Variants in CNGB1 observed in about 807,000 individuals in gnomAD.
CNGB1 encodes the protein cyclic nucleotide gated channel subunit beta 1.
In CNGB1, 126 loss-of-function variants were observed where a neutral mutation model predicts 151.7. That is an observed-to-expected ratio of 0.83 (90% confidence interval 0.72 to 0.96). The LOEUF (loss-of-function observed/expected upper bound fraction) is 0.96. Among genes scored for constraint, CNGB1 ranks in the 40% least tolerant of loss-of-function variants. The pLI is 0.00. For missense variants in CNGB1, 1,698 were observed against 1,627.0 expected (o/e 1.04, Z -0.75); for synonymous variants, 623 against 635.1 (o/e 0.98, Z 0.29).
chr16:57,964,540 G>T lies in CNGB1; in HGVS notation c.164C>A (p.Pro55His), dbSNP rs760874746. 6.2e-7 allele frequency: 1 copy of T among 1,614,122 alleles called. No individual in the cohort carries two copies. The highest frequency in any genetic ancestry group is 8.5e-7 in the Non-Finnish European group (1 of 1,180,012). ...TTCCTCCTCCTTGAATGACTCTTCGGGGGGCTAGAGGGTTCGAACAGGATC... is the reference window on the plus strand; with the variant it reads ...TTCCTCCTCCTTGAATGACTCTTCGTGGGGCTAGAGGGTTCGAACAGGATC... ...EAETESESMP[P>H]EESFKEEEVA... The change falls in exon 3 of 33, where the codon CCC (proline) becomes CAC (histidine). Residue 55 changes from proline (P) to histidine (H), a missense_variant. Transcript: ENST00000251102.
intron 23 of CNGB1, among the ~76,000 whole-genome samples, chr16:57,914,259 C>A (rs1402455524): frequency 6.6e-6 from 1 of 152,154 alleles, no homozygotes. Flanking sequence ...TGGACCCAAC[C>A]TTCCTCACTC....
chr16:57,884,149 C>G lies in CNGB1; in HGVS notation c.*15G>C. 2 of 1,613,980 alleles carry G rather than the reference C, an allele frequency of 1.2e-6. No homozygotes were observed. The highest frequency in any genetic ancestry group is 1.7e-6 in the Non-Finnish European group (2 of 1,179,894). On this transcript the variant is annotated 3_prime_UTR_variant, in exon 33 of 33. Transcript: ENST00000251102. ...CACCTGCTGGAACTGCGCGCGGGAT[C>G]CGCCTCACCCCACCTTACTCCGCCT...
chr16:57,956,995 T>G (rs1962103612), intron 12 of CNGB1, among the ~76,000 whole-genome samples: 1 of 152,164 alleles, frequency 6.6e-6, no homozygotes, highest in African/African-American at 2.4e-5. Flanking sequence ...CAAACCCATT[T>G]GCCAGGGGAT....
chr16:57,957,852 C>T (rs1962130087), intron 11 of CNGB1, among the ~76,000 whole-genome samples: 1 of 152,226 alleles, frequency 6.6e-6, no homozygotes, highest in African/African-American at 2.4e-5. Context: ...TGAGGCCACA[C>T]AGCCAGGAGA....
chr16:57,897,770 C>T (rs753575496), intron 30 of CNGB1, 26 bp downstream of exon 30: 1 of 1,611,278 alleles, frequency 6.2e-7, no homozygotes, highest in Admixed American at 1.7e-5. Context: ...CCCCAGGCCC[C>T]TCACTTTACC....
intron 12 of CNGB1, among the ~76,000 whole-genome samples, chr16:57,957,003 G>T (rs1322041221): frequency 6.6e-6 from 1 of 152,208 alleles, no homozygotes; most frequent in Non-Finnish European, 1.5e-5. Context: ...TTTGCCAGGG[G>T]ATGGGGGAAG....
At chr16:57,955,337 C>A in intron 12 of CNGB1, 2 of 1,551,832 alleles carry the variant, frequency 1.3e-6, no homozygotes, top group Non-Finnish European at 1.7e-6. Flanking sequence ...TCCCTTCTCC[C>A]TTATTTCAGA....
At chr16:57,894,940 C>T (rs556354539) in intron 31 of CNGB1, among the ~76,000 whole-genome samples, 4 of 152,238 alleles carry the variant, frequency 2.6e-5, no homozygotes, top group Admixed American at 6.5e-5. Flanking sequence ...AGGAAGAGAA[C>T]GACTCCAGAT....
chr16:57,938,211 T>C (rs1433267957), intron 16 of CNGB1, among the ~76,000 whole-genome samples: 1 of 152,226 alleles, frequency 6.6e-6, no homozygotes, highest in African/African-American at 2.4e-5. Context: ...CCCACCCCAC[T>C]GAACCAAGCC....
intron 17 of CNGB1, among the ~76,000 whole-genome samples, chr16:57,923,889 C>A (rs773907176): frequency 6.6e-6 from 1 of 152,184 alleles, no homozygotes; most frequent in East Asian, 1.9e-4. Context: ...CTCCGCCTTA[C>A]GGTGTGACCT....
Position 57,917,286 on chromosome 16 carries a change from G to T in CNGB1, c.2148C>A (p.Val716=). The T allele has an allele frequency of 6.2e-7, 1 of 1,613,948 alleles. No homozygotes were observed. Among genetic ancestry groups the T allele is most frequent in the South Asian group, 1.1e-5 (1 of 91,046 alleles). The change falls in exon 21 of 33, where the codon GTC becomes GTA. Residue 716 remains valine (V), a synonymous_variant. Coordinates refer to ENST00000251102, the MANE Select transcript of CNGB1 (RefSeq NM_001297.5). ...GACTCACAATGATGTCCCCGCCTCT[G>T]ACAAACTGCAGGCGTGTCTGGAACA... ...ITVFQTRLQF[V]RGGDIITDKK... is the part of the protein sequence containing the mutation.
intron 29 of CNGB1, among the ~76,000 whole-genome samples, chr16:57,898,923 T>A (rs540970104): frequency 6.6e-6 from 1 of 152,262 alleles, no homozygotes; most frequent in East Asian, 1.9e-4. Flanking sequence ...GGGAATAGGG[T>A]CATTGCAGAT....
chr16:57,928,717 A>C (rs1428342460), intron 17 of CNGB1, among the ~76,000 whole-genome samples: 10 of 152,164 alleles, frequency 6.6e-5, no homozygotes, highest in Admixed American at 6.5e-4. Context: ...GGCTCACTGC[A>C]ACCGCTGCCT....
rs994850926 is a variant in CNGB1, at chr16:57,964,667, G to A, written c.160-123C>T. ...AAAGACCTGAACGACTCTTTCCTCA[G>A]GATCATCTCTGTAAATCCTGTTGGC... On this transcript the variant is annotated intron_variant, in intron 2 of 32. Coordinates refer to ENST00000251102, the MANE Select transcript of CNGB1 (RefSeq NM_001297.5). The A allele has an allele frequency of 4.2e-6, 4 of 952,574 alleles. No individual in the cohort carries two copies. In the African/African-American group the frequency reaches 6.4e-5, roughly 15 times the overall value. 59.0% of individuals were successfully genotyped at this position (952,574 alleles called of 1,614,324 possible).
intron 31 of CNGB1, among the ~76,000 whole-genome samples, chr16:57,892,072 C>CAAAAAAA (rs34104252): frequency 1.0e-5 from 1 of 96,308 alleles, no homozygotes; most frequent in Non-Finnish European, 2.2e-5. Context: ...CACAAAAATG[C>CAAAAAAA]AAAAAAAAAA....
chr16:57,943,975 C>G (rs1324919094), intron 14 of CNGB1, among the ~76,000 whole-genome samples: 1 of 151,926 alleles, frequency 6.6e-6, no homozygotes, highest in African/African-American at 2.4e-5. Flanking sequence ...GCAACCTCAG[C>G]CTCCCGAGTT....
intron 31 of CNGB1, among the ~76,000 whole-genome samples, chr16:57,892,127 C>T (rs374717432): frequency 3.3e-5 from 5 of 150,932 alleles, no homozygotes; most frequent in Admixed American, 2.0e-4. Flanking sequence ...GACACCTCTT[C>T]GCAGTACAAG....
chr16:57,916,277 A>C, intron 21 of CNGB1, 98 bp from the exon 22 acceptor site: 2 of 1,138,936 alleles, frequency 1.8e-6, no homozygotes, highest in Non-Finnish European at 2.7e-6. Flanking sequence ...CCACCCTGAA[A>C]CGAGCATAAC....
At chr16:57,931,128 AT>A (rs1961334849) in intron 17 of CNGB1, among the ~76,000 whole-genome samples, 2 of 151,330 alleles carry the variant, frequency 1.3e-5, no homozygotes, top group South Asian at 4.2e-4. Flanking sequence ...ATGTATTACT[AT>A]ATTATTTATT....
Sources: gnomAD v4.1 joint callset for allele counts (sites outside exome capture counted in the v4.1 genomes callset) on GRCh38, gnomAD v4.1.1 for gene constraint, MANE v1.5 for transcripts, NCBI Gene and HGNC (gene_info 2026-07-23, HGNC 2026-07-21) for gene names.